The following SUGCT variants were observed in gnomAD, a reference collection of about 807,000 sequenced individuals.
The protein encoded by SUGCT is succinyl-CoA:glutarate-CoA transferase.
In SUGCT, 41 loss-of-function variants were observed where a neutral mutation model predicts 55.0. The ratio of observed to expected loss-of-function variants is 0.74; its 90% confidence interval spans 0.58 to 0.97. The LOEUF is 0.97. Among genes scored for constraint, SUGCT ranks in the 50% least tolerant of loss-of-function variants. The pLI, the probability that SUGCT is intolerant of heterozygous loss-of-function variation, is 0.00. For missense variants in SUGCT, 568 were observed against 547.8 expected, an observed-to-expected ratio of 1.04 and a Z score of -0.37; for synonymous variants, 187 against 200.4, an observed-to-expected ratio of 0.93 and a Z score of 0.56.
chr7:40,772,565 GTGT>G lies in SUGCT; in HGVS notation c.1153+23070_1153+23072del, dbSNP rs1231885504. 1.2e-3 allele frequency among the ~76,000 whole-genome samples: 139 copies of G among 119,016 alleles called. 1 individual carries two copies. The highest frequency in any genetic ancestry group is 4.5e-3 in the African/African-American group (138 of 30,670). The allele number at this position is 119,016 out of a possible 152,430, so 78.1% of individuals were successfully genotyped here. On this transcript the variant is annotated intron_variant, in intron 13 of 13. Coordinates refer to ENST00000335693, the MANE Select transcript of SUGCT (RefSeq NM_001193313.2). ...ATCTATCTATCTATCTATCTATCTG[GTGT>G]TATCTATCTGCTATCTATCTATCTA...
intron 7 of SUGCT, among the ~76,000 whole-genome samples, chr7:40,255,805 T>C (rs1790776829): frequency 6.6e-6 from 1 of 152,200 alleles, no homozygotes. Flanking sequence ...GAAGGAGAGA[T>C]TGGACCTTGG....
intron 9 of SUGCT, among the ~76,000 whole-genome samples, chr7:40,430,051 C>T (rs1050609541): frequency 4.6e-5 from 7 of 152,106 alleles, no homozygotes; most frequent in African/African-American, 1.7e-4. Flanking sequence ...TGTGTAGGTA[C>T]TACCATTTCT....
chr7:41,000,658 G>C, the SUGCT span, among the ~76,000 whole-genome samples: 1 of 152,164 alleles, frequency 6.6e-6, no homozygotes, highest in Admixed American at 6.5e-5. Context: ...TTAAAGGAGG[G>C]TAGTGGTGTG....
At chr7:40,826,219 C>T (rs1292246782) in intron 13 of SUGCT, among the ~76,000 whole-genome samples, 1 of 152,150 alleles carries the variant, frequency 6.6e-6, no homozygotes. Context: ...GTAACAGGTA[C>T]ATATACATGA....
chr7:40,862,162 A>G (rs1206490960), downstream of SUGCT, among the ~76,000 whole-genome samples: 1 of 152,228 alleles, frequency 6.6e-6, no homozygotes, highest in Non-Finnish European at 1.5e-5. Context: ...GATGATATTG[A>G]TCATGCAAAG....
chr7:40,457,380 G>A (rs1789545404), intron 10 of SUGCT, among the ~76,000 whole-genome samples: 1 of 152,062 alleles, frequency 6.6e-6, no homozygotes, highest in Non-Finnish European at 1.5e-5. Flanking sequence ...GGAGGTGGAG[G>A]TTGCAGTGAG....
chr7:40,860,026 A>C (rs567685657), intron 13 of SUGCT, among the ~76,000 whole-genome samples: 4 of 152,216 alleles, frequency 2.6e-5, no homozygotes, highest in African/African-American at 9.6e-5. Context: ...AGTCTTCATG[A>C]CGGGAACACC....
At chr7:40,731,310 A>C (rs1786876603) in intron 12 of SUGCT, among the ~76,000 whole-genome samples, 1 of 152,138 alleles carries the variant, frequency 6.6e-6, no homozygotes, top group African/African-American at 2.4e-5. Flanking sequence ...AAAGAATTTT[A>C]CTCAGTCCCT....
At chr7:40,682,438 G>C (rs1784293335) in intron 12 of SUGCT, among the ~76,000 whole-genome samples, 1 of 152,142 alleles carries the variant, frequency 6.6e-6, no homozygotes, top group African/African-American at 2.4e-5. Context: ...TCACAACCTG[G>C]GGCTTGTGAC....
At chr7:40,831,455 TGCCCAAC>T (rs1464279472) in intron 13 of SUGCT, among the ~76,000 whole-genome samples, 3 of 152,230 alleles carry the variant, frequency 2.0e-5, no homozygotes, top group Non-Finnish European at 2.9e-5. Flanking sequence ...AGACAGGCAG[TGCCCAAC>T]TTTCAAATGG....
rs12670327 is a variant in SUGCT at position 40,466,920 on chromosome 7, C to T, written c.986+7722C>T. The stretch of plus-strand genomic sequence containing the variant: ...AAAGAGGATTAAAAACCAGAACAGA[C>T]GGGCCGGGCACGGTGGCTTACGCCT... On this transcript the variant is annotated intron_variant, in intron 11 of 13. Transcript: ENST00000335693. Among the ~76,000 whole-genome samples, 1,163 of 152,200 alleles carry T rather than the reference C, an allele frequency of 7.6e-3. 47 individuals carry two copies. Among genetic ancestry groups the T allele is most frequent in the Admixed American group, 0.059 (903 of 15,300 alleles).
At chr7:40,746,111 TAAGTGTCAAACATGAAAGGGAGTTG>T (rs1380801942) in intron 12 of SUGCT, among the ~76,000 whole-genome samples, 1 of 152,102 alleles carries the variant, frequency 6.6e-6, no homozygotes, top group Admixed American at 6.6e-5. Flanking sequence ...GTGGCAAAGT[TAAGTGTCAAACATGAAAGGGAGTTG>T]AAGTGTCAAA....
chr7:40,620,517 C>T (rs1256050933), intron 12 of SUGCT, among the ~76,000 whole-genome samples: 1 of 152,034 alleles, frequency 6.6e-6, no homozygotes, highest in Non-Finnish European at 1.5e-5. Context: ...TTCTCCCTGC[C>T]TCAGCCTCCT....
chr7:40,865,152 T>C (rs1254562681), downstream of SUGCT, among the ~76,000 whole-genome samples: 3 of 151,306 alleles, frequency 2.0e-5, no homozygotes, highest in Non-Finnish European at 4.4e-5. Flanking sequence ...CAACCCCCCC[T>C]CCTCCTCTCT....
At chr7:40,287,788 A>G (rs899396021) in intron 8 of SUGCT, among the ~76,000 whole-genome samples, 2 of 152,130 alleles carry the variant, frequency 1.3e-5, no homozygotes, top group Non-Finnish European at 2.9e-5. Flanking sequence ...CATGAGCCAT[A>G]GTGCCTGGCT....
intron 8 of SUGCT, among the ~76,000 whole-genome samples, chr7:40,302,674 C>A (rs138779110): frequency 6.6e-6 from 1 of 152,164 alleles, no homozygotes; most frequent in East Asian, 1.9e-4. Context: ...CTGAGCTTCA[C>A]CTTCCTTTAA....
chr7:40,958,027 T>G, the SUGCT span, among the ~76,000 whole-genome samples: 1 of 152,162 alleles, frequency 6.6e-6, no homozygotes, highest in Non-Finnish European at 1.5e-5. Flanking sequence ...TGCAGAGAAA[T>G]TGTCTGTTAG....
At chr7:40,963,724 T>C in the SUGCT span, among the ~76,000 whole-genome samples, 1 of 138,460 alleles carries the variant, frequency 7.2e-6, no homozygotes, top group South Asian at 2.4e-4. Flanking sequence ...CAGTCATCAA[T>C]GTGTATTCAT....
chr7:40,750,127 A>G (rs1188417448), intron 13 of SUGCT, among the ~76,000 whole-genome samples: 3 of 152,112 alleles, frequency 2.0e-5, no homozygotes, highest in African/African-American at 7.2e-5. Flanking sequence ...CCTCATGCCT[A>G]CTCTCAAAGC....
Sources: allele counts gnomAD v4.1 joint callset (sites outside exome capture counted in the v4.1 genomes callset), GRCh38; gene constraint gnomAD v4.1.1; transcripts MANE v1.5; gene names NCBI Gene and HGNC (gene_info 2026-07-23, HGNC 2026-07-21).